Variants in SPATA13 observed in about 807,000 individuals in gnomAD.
SPATA13 encodes spermatogenesis associated 13, also known as spermatogenesis-associated protein 13.
A neutral mutation model predicts 104.0 loss-of-function variants in SPATA13; 50 were observed. The observed-to-expected ratio is 0.48, with a 90% CI of 0.38 to 0.61. The LOEUF (loss-of-function observed/expected upper bound fraction) is 0.61. SPATA13 is among the 20% of genes least tolerant of loss of function. The pLI is 0.00. For missense variants in SPATA13, 1,524 were observed against 1,690.6 expected, an observed-to-expected ratio of 0.90 and a Z score of 1.73; for synonymous variants, 606 against 667.5, an observed-to-expected ratio of 0.91 and a Z score of 1.42.
At chr13:24,025,656 A>G (rs1050500004) in intron 3 of SPATA13, among the ~76,000 whole-genome samples, 1 of 152,164 alleles carries the variant, frequency 6.6e-6, no homozygotes, top group African/African-American at 2.4e-5. Flanking sequence ...ATTTCTGCCA[A>G]TTTGGTGAAT....
At chr13:23,997,324 C>T (rs987359217) in intron 2 of SPATA13, among the ~76,000 whole-genome samples, 4 of 152,158 alleles carry the variant, frequency 2.6e-5, no homozygotes, top group South Asian at 4.1e-4. Flanking sequence ...AAGTAGAACA[C>T]GCATGTCCCC....
At chr13:24,255,200 A>T (rs1873724742) in intron 4 of SPATA13, among the ~76,000 whole-genome samples, 1 of 152,144 alleles carries the variant, frequency 6.6e-6, no homozygotes, top group African/African-American at 2.4e-5. Flanking sequence ...TGTCCTGAGG[A>T]CACAGTCACC....
intron 2 of SPATA13, among the ~76,000 whole-genome samples, chr13:24,008,503 G>C (rs574968724): frequency 1.7e-4 from 26 of 152,240 alleles, no homozygotes; most frequent in Middle Eastern, 3.4e-3. Context: ...TCTCCAGGTG[G>C]ACGGTCTTGT....
At chr13:24,063,120 A>G (rs1212149548) in intron 3 of SPATA13, among the ~76,000 whole-genome samples, 1 of 148,942 alleles carries the variant, frequency 6.7e-6, no homozygotes, top group Non-Finnish European at 1.5e-5. Flanking sequence ...AGCCTGGACC[A>G]GGCTCCTTCT....
intron 1 of SPATA13, among the ~76,000 whole-genome samples, chr13:24,180,075 A>G (rs184215787): frequency 7.2e-5 from 11 of 152,284 alleles, no homozygotes; most frequent in Admixed American, 3.9e-4. Context: ...TTGAGAAACT[A>G]TTGCCTAATC....
At position 24,223,001 on chromosome 13, in the gene SPATA13, G is replaced by A; in HGVS notation, c.72G>A (p.Gly24=). 1.3e-6 allele frequency: 2 copies of A among 1,551,284 alleles called. No individual in the cohort carries two copies. The highest frequency in any genetic ancestry group is 2.4e-5 in the South Asian group (2 of 84,040). The change falls in exon 2 of 13, where the codon GGG becomes GGA. Residue 24 remains glycine, a synonymous_variant. Coordinates refer to ENST00000382108, the MANE Select transcript of SPATA13 (RefSeq NM_001166271.3). ...TGACCACTGCCCCAAACGGCCTCGG[G>A]CCAGGCCCCGCAGCCCCCTGTGCAG... ...ENMTTAPNGL[G]PGPAAPCAGS...
At chr13:24,249,205 A>G (rs1873333001) in intron 2 of SPATA13, among the ~76,000 whole-genome samples, 1 of 152,208 alleles carries the variant, frequency 6.6e-6, no homozygotes, top group African/African-American at 2.4e-5. Flanking sequence ...ATCATAGCTC[A>G]TCATTGGTCA....
chr13:24,083,633 T>C (rs1879618269), intron 3 of SPATA13, among the ~76,000 whole-genome samples: 2 of 152,218 alleles, frequency 1.3e-5, no homozygotes, highest in South Asian at 2.1e-4. Context: ...GAGCTGGTTT[T>C]GTAACATTAA....
chr13:24,120,717 C>G (rs66694707), intron 3 of SPATA13, among the ~76,000 whole-genome samples: 19,013 of 152,196 alleles, frequency 0.12, 1,214 homozygotes, highest in South Asian at 0.19. Flanking sequence ...ATTACAAAAG[C>G]TTAAAATCAA....
At chr13:24,054,218 CT>C (rs1231949866) in intron 3 of SPATA13, among the ~76,000 whole-genome samples, 2 of 152,194 alleles carry the variant, frequency 1.3e-5, no homozygotes, top group Non-Finnish European at 2.9e-5. Context: ...CCCACAGCAA[CT>C]ATGCAGTGTG....
intron 2 of SPATA13, among the ~76,000 whole-genome samples, chr13:24,241,716 C>T (rs1410816368): frequency 6.6e-6 from 1 of 152,228 alleles, no homozygotes; most frequent in Non-Finnish European, 1.5e-5. Context: ...ACACACACCC[C>T]ATTGAGGGCT....
chr13:24,295,982 G>T (rs1228513496), intron 10 of SPATA13, among the ~76,000 whole-genome samples: 1 of 152,026 alleles, frequency 6.6e-6, no homozygotes, highest in Non-Finnish European at 1.5e-5. Context: ...GTGCTCTACC[G>T]CCATTAAATT....
intron 1 of SPATA13, among the ~76,000 whole-genome samples, chr13:24,219,751 C>T (rs952057960): frequency 6.6e-6 from 1 of 152,194 alleles, no homozygotes; most frequent in African/African-American, 2.4e-5. Flanking sequence ...AAGGAGACAC[C>T]TGCAGTTCGT....
At chr13:24,288,977 G>T in intron 7 of SPATA13, 22 bp from the exon 8 acceptor site, 2 of 1,570,632 alleles carry the variant, frequency 1.3e-6, no homozygotes, top group Non-Finnish European at 1.7e-6. Context: ...CAAATAAAAA[G>T]TATTACTTCT....
rs1223442521 is a variant in SPATA13, at chr13:24,290,793, A to G, written c.2989A>G (p.Ile997Val). ...GCTGCAGCAGATGATTGACATCGCC[A>G]TCGACGGGTTCCTGCTCACACCAGT... is the stretch of plus-strand genomic sequence containing the variant. ...RLLQQMIDIAIDGFLLTPVQK... is the reference protein window; with the variant it reads ...RLLQQMIDIAVDGFLLTPVQK... Residue 997 changes from isoleucine (I) to valine (V), a missense_variant, in exon 9 of 13, where the codon ATC becomes GTC. Physicochemically the swap from Ile to Val is conservative, Grantham distance 29. This residue lies in a region of SPATA13 where 435 missense variants were observed against 554.8 expected (regional missense o/e 0.78). Transcript: ENST00000382108. The G allele has an allele frequency of 6.2e-6, 10 of 1,614,092 alleles. No homozygotes were observed. Among genetic ancestry groups the G allele is most frequent in the Non-Finnish European group, 8.5e-6 (10 of 1,180,042 alleles).
intron 3 of SPATA13, among the ~76,000 whole-genome samples, chr13:24,113,974 C>T (rs1186611836): frequency 2.0e-5 from 3 of 151,862 alleles, no homozygotes; most frequent in African/African-American, 4.8e-5. Context: ...AAGTGTTCTC[C>T]GTGGTTATGG....
chr13:24,302,046 T>C (rs1877221868), intron 12 of SPATA13, among the ~76,000 whole-genome samples: 1 of 152,198 alleles, frequency 6.6e-6, no homozygotes, highest in African/African-American at 2.4e-5. Flanking sequence ...AGCTCCAGAC[T>C]TCCATTTAGA....
At chr13:24,037,920 T>G (rs1877763409) in intron 3 of SPATA13, among the ~76,000 whole-genome samples, 1 of 150,568 alleles carries the variant, frequency 6.6e-6, no homozygotes, top group Non-Finnish European at 1.5e-5. Context: ...TAGACTAGAT[T>G]TTTTTTTTTG....
upstream of SPATA13, among the ~76,000 whole-genome samples, chr13:24,157,459 C>G: frequency 6.6e-6 from 1 of 152,048 alleles, no homozygotes; most frequent in Non-Finnish European, 1.5e-5. Flanking sequence ...CCACCACGCC[C>G]GGCTAATTTT....
Sources: allele counts gnomAD v4.1 joint callset (sites outside exome capture counted in the v4.1 genomes callset), GRCh38; gene constraint gnomAD v4.1.1; regional missense constraint gnomAD v4.1.1; transcripts MANE v1.5; gene names NCBI Gene and HGNC (gene_info 2026-07-23, HGNC 2026-07-21).